CHD9: variants seen among roughly 807,000 people sequenced by gnomAD.
CHD9 encodes chromodomain helicase DNA binding protein 9.
Under a neutral mutation model 316.1 loss-of-function variants are expected in CHD9, and 77 were observed. The observed-to-expected ratio is 0.24, with a 90% CI of 0.20 to 0.29. The LOEUF is 0.29. Ranked by LOEUF, CHD9 falls within the 10% of genes least tolerant of loss-of-function variation. The pLI is 1.00. For synonymous variants in CHD9, 1,129 were observed against 1,158.3 expected (o/e 0.97, Z 0.51); for missense variants, 2,763 against 3,438.1 (o/e 0.80, Z 4.91).
chr16:53,254,129 AT>A (rs890304711), intron 17 of CHD9, among the ~76,000 whole-genome samples: 102 of 152,304 alleles, frequency 6.7e-4, no homozygotes, highest in African/African-American at 2.5e-3. Context: ...GTGAGCCAAG[AT>A]CGCACGACTG....
intron 1 of CHD9, among the ~76,000 whole-genome samples, chr16:53,099,690 C>A (rs2036676405): frequency 6.6e-6 from 1 of 152,220 alleles, no homozygotes. Context: ...CTTCCCTTCC[C>A]GCTGAGTCAC....
intron 2 of CHD9, among the ~76,000 whole-genome samples, chr16:53,188,166 G>A (rs546342983): frequency 1.3e-5 from 2 of 152,296 alleles, no homozygotes. Context: ...GCATGTAACA[G>A]CACTTCATTT....
At chr16:53,186,554 A>G (rs536268965) in intron 2 of CHD9, among the ~76,000 whole-genome samples, 2 of 152,190 alleles carry the variant, frequency 1.3e-5, no homozygotes, top group Middle Eastern at 3.2e-3. Context: ...TTGGAAAGAC[A>G]TGATTGTGTT....
Position 53,307,970 on chromosome 16 carries a change from T to C in CHD9, c.7053+17T>C. On this transcript the variant is annotated intron_variant, in intron 33 of 38. Coordinates refer to ENST00000447540, the MANE Select transcript of CHD9 (RefSeq NM_001308319.2). ...ATCAAAGACGTATGTGTATTTTTAT[T>C]GCCCTAGGGCCTGATTGCGATTGCG... 1 of 1,573,168 alleles carries C rather than the reference T, an allele frequency of 6.4e-7. No homozygotes were observed. The highest frequency in any genetic ancestry group is 8.6e-7 in the Non-Finnish European group (1 of 1,159,568).
rs757125519 is a variant in CHD9 at position 53,308,746 on chromosome 16, G to C, written c.7114G>C (p.Gly2372Arg). ...QGLAQKRPFD[G>R]EDGALGQQQY... ...GCTTGCTCAGAAAAGACCATTTGAT[G>C]GTGAAGACGGTGCTCTGGGGCAGCA... Residue 2372 changes from glycine to arginine, a missense_variant, in exon 34 of 39, where the codon GGT becomes CGT. Physicochemically the swap from Gly to Arg is moderately radical, Grantham distance 125 (BLOSUM62 -2). Coordinates refer to ENST00000447540, the MANE Select transcript of CHD9 (RefSeq NM_001308319.2). The C allele has an allele frequency of 5.6e-6, 9 of 1,613,162 alleles. No individual in the cohort carries two copies. The highest frequency in any genetic ancestry group is 7.6e-6 in the Non-Finnish European group (9 of 1,179,552).
At chr16:53,122,907 C>T (rs1283036797) in intron 1 of CHD9, among the ~76,000 whole-genome samples, 1 of 145,154 alleles carries the variant, frequency 6.9e-6, no homozygotes, top group Non-Finnish European at 1.5e-5. Context: ...TAGTAGATAA[C>T]AGGGTTTCAC....
In CHD9 at chr16:53,206,359, G is replaced by GAA. The variant is rs77414875; in HGVS notation, c.1453-3109_1453-3108dup. On this transcript the variant is annotated intron_variant, in intron 2 of 38. Coordinates refer to ENST00000447540, the MANE Select transcript of CHD9 (RefSeq NM_001308319.2). ...TTCTACACTTTTGAAAGGGCACCGG[G>GAA]AAAAAAAAAAAAAAACCATCCTAGC... Among the ~76,000 whole-genome samples the GAA allele has an allele frequency of 2.1e-3, 255 of 121,900 alleles. 3 individuals carry two copies. The highest frequency in any genetic ancestry group is 6.9e-3 in the African/African-American group (234 of 33,686). The allele number at this position is 121,900 out of a possible 152,430, so 80.0% of individuals were successfully genotyped here. A position where few individuals can be genotyped will look rare whatever the true frequency, so the allele number is the denominator to read the frequency against.
intron 29 of CHD9, among the ~76,000 whole-genome samples, chr16:53,293,827 A>G (rs1421678331): frequency 6.6e-6 from 1 of 152,096 alleles, no homozygotes; most frequent in Non-Finnish European, 1.5e-5. Flanking sequence ...ACGCACCTTT[A>G]ATCCCAGCTA....
At chr16:53,323,991 G>A in intron 38 of CHD9, 29 bp from the exon 39 acceptor site, 1 of 1,530,832 alleles carries the variant, frequency 6.5e-7, no homozygotes. Flanking sequence ...TTCATGTAGG[G>A]ATTATTAATG....
At chr16:53,223,643 G>C (rs1412182541) in intron 4 of CHD9, 1 of 152,128 alleles carries the variant, frequency 6.6e-6, no homozygotes, top group Non-Finnish European at 1.5e-5. Context: ...GAATAATGCT[G>C]GCCATTTTTC....
intron 1 of CHD9, among the ~76,000 whole-genome samples, chr16:53,111,096 AG>A (rs1344781668): frequency 6.6e-6 from 1 of 152,178 alleles, no homozygotes; most frequent in East Asian, 1.9e-4. Context: ...TGCTGAAGTG[AG>A]ACTCATAGGC....
At chr16:53,094,648 T>TC (rs999772860) in intron 1 of CHD9, among the ~76,000 whole-genome samples, 48 of 150,812 alleles carry the variant, frequency 3.2e-4, no homozygotes, top group Admixed American at 1.6e-3. Context: ...TTTCTTTTTT[T>TC]TTTTTTTTTG....
chr16:53,256,933 G>A (rs1490501965), intron 19 of CHD9, among the ~76,000 whole-genome samples: 1 of 152,054 alleles, frequency 6.6e-6, no homozygotes, highest in East Asian at 1.9e-4. Context: ...AAACTCACTT[G>A]CATTCATTTA....
intron 3 of CHD9, among the ~76,000 whole-genome samples, chr16:53,212,893 C>A (rs1567490343): frequency 6.6e-6 from 1 of 152,040 alleles, no homozygotes; most frequent in Non-Finnish European, 1.5e-5. Context: ...AATTAATATA[C>A]AAAATAGTAT....
intron 1 of CHD9, among the ~76,000 whole-genome samples, chr16:53,064,100 C>G (rs1272708311): frequency 6.6e-6 from 1 of 152,040 alleles, no homozygotes; most frequent in Non-Finnish European, 1.5e-5. Context: ...TCCCAAAGTT[C>G]TGGAATTACA....
intron 2 of CHD9, among the ~76,000 whole-genome samples, chr16:53,192,861 T>A (rs1030734135): frequency 6.6e-6 from 1 of 152,210 alleles, no homozygotes; most frequent in South Asian, 2.1e-4. Context: ...ACAAATTGTT[T>A]ATGTATTCAC....
At chr16:53,194,907 T>C (rs1388090611) in intron 2 of CHD9, among the ~76,000 whole-genome samples, 1 of 152,160 alleles carries the variant, frequency 6.6e-6, no homozygotes, top group East Asian at 1.9e-4. Context: ...AGTAATAAAA[T>C]CAAGAAAATA....
chr16:53,304,958 T>C (rs572781520), intron 31 of CHD9, among the ~76,000 whole-genome samples: 19 of 152,002 alleles, frequency 1.2e-4, no homozygotes, highest in African/African-American at 4.1e-4. Context: ...CCTCCCAAAG[T>C]GCTGAGATTA....
intron 2 of CHD9, among the ~76,000 whole-genome samples, chr16:53,161,671 C>T (rs898509024): frequency 5.3e-5 from 8 of 152,228 alleles, no homozygotes; most frequent in African/African-American, 1.9e-4. Flanking sequence ...TTTAAAAAAC[C>T]ATGGATGACA....
Sources: allele counts gnomAD v4.1 joint callset (sites outside exome capture counted in the v4.1 genomes callset), GRCh38; gene constraint gnomAD v4.1.1; transcripts MANE v1.5; gene names NCBI Gene and HGNC (gene_info 2026-07-23, HGNC 2026-07-21).